Variants in ZNF143 observed in about 807,000 individuals in gnomAD.
The protein encoded by ZNF143 is SPH-binding factor.
ZNF143 carries 49 observed loss-of-function variants against 74.1 expected under a neutral mutation model. That is an observed-to-expected ratio of 0.66 (90% confidence interval 0.53 to 0.84). The LOEUF (loss-of-function observed/expected upper bound fraction) is 0.84. Ranked by LOEUF, ZNF143 falls within the 40% of genes least tolerant of loss-of-function variation. The pLI is 0.00. For synonymous variants in ZNF143, 304 were observed against 282.8 expected (o/e 1.07, Z -0.75); for missense variants, 637 against 793.4 (o/e 0.80, Z 2.37).
intron 12 of ZNF143, among the ~76,000 whole-genome samples, chr11:9,509,223 T>C (rs1264958041): frequency 6.6e-6 from 1 of 152,156 alleles, no homozygotes; most frequent in Non-Finnish European, 1.5e-5. Flanking sequence ...TTGGAGATAC[T>C]GAATGAAGCC....
chr11:9,510,245 T>C (rs1273536586), intron 12 of ZNF143, among the ~76,000 whole-genome samples: 2 of 151,728 alleles, frequency 1.3e-5, no homozygotes, highest in East Asian at 1.9e-4. Context: ...CTGCCTCAGC[T>C]TCCTGAGTAG....
In ZNF143 at chr11:9,478,469, C is replaced by T. The variant is rs1008450892; in HGVS notation, c.453C>T (p.Val151=). The change falls in exon 6 of 16, where the codon GTC becomes GTT. Residue 151 remains valine (V), a synonymous_variant. Coordinates refer to ENST00000396602, the MANE Select transcript of ZNF143 (RefSeq NM_003442.6). ...TTAYIHHAVQ[V]PQSDTILAIQ... ...CTTATATCCACCATGCAGTGCAAGT[C>T]CCGCAGTCTGACACCATCTTGGCAA... The T allele has an allele frequency of 6.2e-7, 1 of 1,614,060 alleles. No homozygotes were observed. The highest frequency in any genetic ancestry group is 2.2e-5 in the East Asian group (1 of 44,888).
At chr11:9,508,226 G>A (rs727405) in intron 11 of ZNF143, among the ~76,000 whole-genome samples, 68,878 of 152,038 alleles carry the variant, frequency 0.45, 16,144 homozygotes, top group Non-Finnish European at 0.52. Context: ...TTATCTTTAT[G>A]AAATTCTTAG....
In ZNF143 at chr11:9,497,730, T is replaced by C. The variant is rs1415025916; in HGVS notation, c.897T>C (p.Cys299=). The C allele has an allele frequency of 2.5e-6, 4 of 1,611,068 alleles. No individual in the cohort carries two copies. In the South Asian group the frequency reaches 4.4e-5, roughly 18 times the overall value. Reference sequence around the variant, plus strand: ...ATACAGGAGAAAAGCCATATCGGTGTTCGGAAGATAATTGTACTAAATCTT... The same window carrying C: ...ATACAGGAGAAAAGCCATATCGGTGCTCGGAAGATAATTGTACTAAATCTT... ...RTHTGEKPYR[C]SEDNCTKSFK... Residue 299 remains cysteine, a synonymous_variant, in exon 10 of 16, where the codon TGT becomes TGC. Transcript: ENST00000396602.
At chr11:9,486,414 T>TATATAATATATATTATATATATA (rs1847523060) in intron 7 of ZNF143, among the ~76,000 whole-genome samples, 2 of 24,040 alleles carry the variant, frequency 8.3e-5, no homozygotes, top group South Asian at 8.8e-4. Context: ...ATATATATAA[T>TATATAATATATATTATATATATA]ATATATTATA....
At chr11:9,498,109 C>T (rs572850823) in intron 10 of ZNF143, among the ~76,000 whole-genome samples, 24 of 152,342 alleles carry the variant, frequency 1.6e-4, no homozygotes, top group African/African-American at 5.3e-4. Flanking sequence ...CGATTACAGG[C>T]GTGAGCCACC....
chr11:9,497,860 T>C, intron 10 of ZNF143, 60 bp downstream of exon 10: 2 of 1,287,460 alleles, frequency 1.6e-6, no homozygotes. Flanking sequence ...AGACGGAGTC[T>C]CGCTCTGTCG....
chr11:9,485,376 C>G (rs561795180), intron 7 of ZNF143, among the ~76,000 whole-genome samples: 31 of 103,720 alleles, frequency 3.0e-4, no homozygotes, highest in Admixed American at 5.7e-4. Context: ...TTTGAGAAGT[C>G]TCGCTATGTC....
At position 9,528,305 on chromosome 11, in the gene ZNF143, T is replaced by G. The variant is rs1464681418; in HGVS notation, c.*692T>G. 5 of 152,228 alleles carry G rather than the reference T, an allele frequency of 3.3e-5. No homozygotes were observed. Among genetic ancestry groups the G allele is most frequent in the Admixed American group, 3.3e-4 (5 of 15,278 alleles). The allele number at this position is 152,228 out of a possible 1,614,324, so 9.4% of individuals were successfully genotyped here. ...TTTTGTTAAAGATTTTGCTTAGTAT[T>G]CAATTTTTATTACTGTTTTTTAAAA... On this transcript the variant is annotated 3_prime_UTR_variant, in exon 16 of 16. Transcript: ENST00000396602.
At chr11:9,471,073 GTTGCT>G in intron 1 of ZNF143, 3 of 262,222 alleles carry the variant, frequency 1.1e-5, no homozygotes, top group South Asian at 2.4e-4. Context: ...GTACTTCTAA[GTTGCT>G]AAGCGCACTG....
intron 6 of ZNF143, 54 bp downstream of exon 6, chr11:9,478,640 A>C (rs1218794225): frequency 1.3e-6 from 2 of 1,551,426 alleles, no homozygotes; most frequent in Admixed American, 3.9e-5. Context: ...TTTATTTTTC[A>C]TGAAAAGAAA....
intron 2 of ZNF143, 46 bp downstream of exon 2, chr11:9,471,466 C>G: frequency 7.1e-7 from 1 of 1,404,586 alleles, no homozygotes; most frequent in Non-Finnish European, 9.6e-7. Context: ...TATCATTTAT[C>G]TTAAAAGAAA....
chr11:9,497,208 C>T (rs901814515), intron 9 of ZNF143, among the ~76,000 whole-genome samples: 2 of 152,140 alleles, frequency 1.3e-5, no homozygotes, highest in African/African-American at 2.4e-5. Context: ...GCATGGCAGT[C>T]CCGAGCTATG....
intron 11 of ZNF143, among the ~76,000 whole-genome samples, chr11:9,504,573 G>A (rs1273635142): frequency 1.6e-5 from 2 of 125,408 alleles, no homozygotes; most frequent in African/African-American, 5.1e-5. Flanking sequence ...GGCAGGATAT[G>A]CATTAGTTTT....
intron 7 of ZNF143, among the ~76,000 whole-genome samples, chr11:9,492,339 C>A (rs1001293544): frequency 6.6e-6 from 1 of 151,902 alleles, no homozygotes; most frequent in African/African-American, 2.4e-5. Flanking sequence ...CTCGAACTTC[C>A]GTCCTCAGGT....
At chr11:9,518,808 A>T (rs1848812780) in intron 14 of ZNF143, among the ~76,000 whole-genome samples, 1 of 151,978 alleles carries the variant, frequency 6.6e-6, no homozygotes, top group South Asian at 2.1e-4. Flanking sequence ...CTTGTTACAT[A>T]TTGCCAAATT....
chr11:9,484,786 G>C (rs1338383175), intron 7 of ZNF143, among the ~76,000 whole-genome samples: 1 of 84,790 alleles, frequency 1.2e-5, no homozygotes, highest in Admixed American at 1.2e-4. Context: ...GTGAGCCACC[G>C]CACCTGGCCA....
At chr11:9,510,289 T>C (rs1848496977) in intron 12 of ZNF143, among the ~76,000 whole-genome samples, 1 of 151,952 alleles carries the variant, frequency 6.6e-6, no homozygotes. Context: ...CATGCCTGGC[T>C]AATTTTTTGT....
intron 7 of ZNF143, among the ~76,000 whole-genome samples, chr11:9,487,941 T>G (rs534660554): frequency 4.7e-4 from 72 of 152,310 alleles, no homozygotes; most frequent in Admixed American, 1.6e-3. Flanking sequence ...ATCTGTAGAA[T>G]CAGCTATTGC....
Sources: gnomAD v4.1 joint callset for allele counts (sites outside exome capture counted in the v4.1 genomes callset) on GRCh38, gnomAD v4.1.1 for gene constraint, MANE v1.5 for transcripts, NCBI Gene and HGNC (gene_info 2026-07-23, HGNC 2026-07-21) for gene names.